Variants in TPD52 observed in about 807,000 individuals in gnomAD.
TPD52 encodes the protein prostate and colon associated protein.
In TPD52, 17 loss-of-function variants were observed where a neutral mutation model predicts 31.3. The observed-to-expected ratio is 0.54, with a 90% CI of 0.37 to 0.82. TPD52 has a LOEUF of 0.82. Ranked by LOEUF, TPD52 falls within the 40% of genes least tolerant of loss-of-function variation. TPD52 has a pLI of 0.00. For synonymous variants in TPD52, 83 were observed against 89.6 expected, an observed-to-expected ratio of 0.93 and a Z score of 0.42; for missense variants, 212 against 240.1, an observed-to-expected ratio of 0.88 and a Z score of 0.77.
At chr8:80,118,417 AAGAT>A (rs1422002605) in intron 1 of TPD52, among the ~76,000 whole-genome samples, 1 of 152,248 alleles carries the variant, frequency 6.6e-6, no homozygotes. Flanking sequence ...AGCACAAAAA[AAGAT>A]AGATAAATTG....
chr8:80,048,576 T>A (rs780868320), intron 5 of TPD52, among the ~76,000 whole-genome samples: 4 of 152,218 alleles, frequency 2.6e-5, no homozygotes, highest in Non-Finnish European at 4.4e-5. Flanking sequence ...TAAGCTCCCT[T>A]TCCTTGGGTA....
intron 5 of TPD52, among the ~76,000 whole-genome samples, chr8:80,044,505 T>G (rs913121722): frequency 2.0e-5 from 3 of 152,164 alleles, no homozygotes; most frequent in African/African-American, 7.2e-5. Flanking sequence ...GTTAAATGAG[T>G]TACCGTAGGT....
chr8:80,158,442 G>A (rs557241883), intron 1 of TPD52: 62 of 152,368 alleles, frequency 4.1e-4, no homozygotes, highest in Non-Finnish European at 7.3e-4. Context: ...CCTACTTTGG[G>A]AATTCTTTTC....
intron 1 of TPD52, among the ~76,000 whole-genome samples, chr8:80,168,491 G>A (rs1046652759): frequency 1.5e-4 from 23 of 152,190 alleles, no homozygotes; most frequent in African/African-American, 5.5e-4. Context: ...AAAATTTTCT[G>A]CTTTGGTTTT....
chr8:80,136,556 A>T (rs948050782), intron 1 of TPD52, among the ~76,000 whole-genome samples: 2 of 148,710 alleles, frequency 1.3e-5, no homozygotes, highest in African/African-American at 5.0e-5. Flanking sequence ...AAAAAAGAAA[A>T]CAGTGCTCAC....
chr8:80,102,849 G>A (rs1380295674), intron 1 of TPD52, among the ~76,000 whole-genome samples: 2 of 152,082 alleles, frequency 1.3e-5, no homozygotes, highest in Non-Finnish European at 2.9e-5. Context: ...CAGTTGAATC[G>A]ATTAACCAAC....
At chr8:80,052,641 G>T (rs1024221962) in intron 3 of TPD52, 2 of 1,288,934 alleles carry the variant, frequency 1.6e-6, no homozygotes, top group Non-Finnish European at 1.0e-6. Context: ...AGAAGACAGA[G>T]CAGTTCGGTT....
intron 1 of TPD52, among the ~76,000 whole-genome samples, chr8:80,146,517 T>C (rs1268018324): frequency 6.6e-6 from 1 of 152,198 alleles, no homozygotes; most frequent in Non-Finnish European, 1.5e-5. Flanking sequence ...CGGGCATTAA[T>C]GTGGTGAGCA....
chr8:80,042,440 A>G (rs960603226), intron 7 of TPD52, 180 bp downstream of exon 7: 3 of 985,378 alleles, frequency 3.0e-6, no homozygotes, highest in Non-Finnish European at 3.6e-6. Context: ...TACAGCATAC[A>G]CTAAAAAGAT....
intron 1 of TPD52, among the ~76,000 whole-genome samples, chr8:80,126,479 A>ATTTTTTTTT (rs752947491): frequency 7.9e-6 from 1 of 126,456 alleles, no homozygotes. Context: ...AAAGTTTATA[A>ATTTTTTTTT]TTTTTTTTTT....
intron 1 of TPD52, among the ~76,000 whole-genome samples, chr8:80,129,448 C>A (rs1808860190): frequency 6.6e-6 from 1 of 152,156 alleles, no homozygotes; most frequent in South Asian, 2.1e-4. Flanking sequence ...ACACGAACAA[C>A]AAATCCTTCT....
chr8:80,094,673 T>C (rs1480044866), intron 1 of TPD52, among the ~76,000 whole-genome samples: 1 of 151,204 alleles, frequency 6.6e-6, no homozygotes, highest in African/African-American at 2.4e-5. Flanking sequence ...TACACAATGA[T>C]GTGAATATGA....
intron 2 of TPD52, among the ~76,000 whole-genome samples, chr8:80,058,050 T>C (rs1370583866): frequency 6.6e-6 from 1 of 152,202 alleles, no homozygotes; most frequent in African/African-American, 2.4e-5. Flanking sequence ...ACACAGCATG[T>C]AGTCTATAGA....
At chr8:80,033,071 C>T (rs367863723), downstream of TPD52, 4 of 152,632 alleles carry the variant, frequency 2.6e-5, no homozygotes, top group East Asian at 1.9e-4. Flanking sequence ...GCTACAGGCA[C>T]CGGCTCTGTG....
chr8:80,120,216 G>A (rs1214356657), intron 1 of TPD52, among the ~76,000 whole-genome samples: 6 of 152,130 alleles, frequency 3.9e-5, no homozygotes, highest in South Asian at 2.1e-4. Flanking sequence ...TAGGCTGGAC[G>A]CGGTGGCTCA....
At position 80,050,310 on chromosome 8, in the gene TPD52, A is replaced by G; in HGVS notation, c.413+135T>C. 1.1e-5 allele frequency: 8 copies of G among 728,918 alleles called. No individual in the cohort carries two copies. In the South Asian group the frequency reaches 2.2e-4, roughly 20 times the overall value. 45.2% of individuals were successfully genotyped at this position (728,918 alleles called of 1,614,324 possible). On this transcript the variant is annotated intron_variant, in intron 5 of 7. Transcript: ENST00000518937. ...TCCCTTGAAATTAGGAATGCACTAG[A>G]GAAAAAGATACTCTAAACGCAAGAA...
chr8:80,155,526 C>G (rs1810904937), intron 1 of TPD52, among the ~76,000 whole-genome samples: 1 of 152,084 alleles, frequency 6.6e-6, no homozygotes. Flanking sequence ...GGACTCGAGG[C>G]ATCTGAGGAA....
At position 80,067,930 on chromosome 8, in the gene TPD52, A is replaced by G. The variant is rs190684439; in HGVS notation, c.20-3337T>C. ...TAATGGTATAGGATTTAATATGAAAATAGAGTCTGGCTTTTGGGAGAAAAG... is the reference window on the plus strand; with the variant it reads ...TAATGGTATAGGATTTAATATGAAAGTAGAGTCTGGCTTTTGGGAGAAAAG... On this transcript the variant is annotated intron_variant, in intron 1 of 7. Coordinates refer to ENST00000518937, the MANE Select transcript of TPD52 (RefSeq NM_001025253.3). Among the ~76,000 whole-genome samples, 1,077 of 151,674 alleles carry G rather than the reference A, an allele frequency of 7.1e-3. 7 individuals are homozygous for G. The highest frequency in any genetic ancestry group is 8.5e-3 in the Non-Finnish European group (579 of 68,014).
At chr8:80,051,368 T>C (rs1187194592) in intron 4 of TPD52, 159 bp downstream of exon 4, 1 of 630,816 alleles carries the variant, frequency 1.6e-6, no homozygotes, top group Non-Finnish European at 2.8e-6. Flanking sequence ...TAGAAGACCT[T>C]AGATGAGCCT....
Sources: allele counts gnomAD v4.1 joint callset (sites outside exome capture counted in the v4.1 genomes callset), GRCh38; gene constraint gnomAD v4.1.1; transcripts MANE v1.5; gene names NCBI Gene and HGNC (gene_info 2026-07-23, HGNC 2026-07-21).